Variants in SHMT1 observed in about 807,000 individuals in gnomAD.
SHMT1 encodes the protein serine hydroxymethyltransferase 1.
SHMT1 carries 45 observed loss-of-function variants against 49.0 expected under a neutral mutation model. The ratio of observed to expected loss-of-function variants is 0.92; its 90% CI spans 0.72 to 1.18. The LOEUF (loss-of-function observed/expected upper bound fraction) is 1.18, where lower values mean the gene tolerates loss of function less well. Ranked by LOEUF, SHMT1 falls within the 50% of genes most tolerant of loss-of-function variation. The pLI is 0.00. For missense variants in SHMT1, 541 were observed against 612.4 expected, an observed-to-expected ratio of 0.88 and a Z score of 1.23; for synonymous variants, 232 against 246.6, an observed-to-expected ratio of 0.94 and a Z score of 0.55.
chr17:18,340,917 T>A lies in SHMT1; in HGVS notation c.520-104A>T. ...CCACCCACCATGACAAGAGGAATGA[T>A]GTCCTAGATGAGGACTTGAGGGTGA... On this transcript the variant is annotated intron_variant, in intron 5 of 11. Coordinates refer to ENST00000316694, the MANE Select transcript of SHMT1 (RefSeq NM_004169.5). The surrounding 1 kb of genome is among the most constrained non-coding windows in gnomAD (Gnocchi z 4.5). The A allele has an allele frequency of 1.2e-6, 1 of 817,554 alleles. No homozygotes were observed. The highest frequency in any genetic ancestry group is 2.7e-5 in the East Asian group (1 of 37,644). 50.6% of individuals were successfully genotyped at this position (817,554 alleles called of 1,614,324 possible).
chr17:18,336,969 C>G (rs1007689666), intron 7 of SHMT1, among the ~76,000 whole-genome samples: 5 of 152,028 alleles, frequency 3.3e-5, no homozygotes, highest in African/African-American at 1.2e-4. Context: ...TAAAGAGTCT[C>G]CAAGATGCAT....
intron 1 of SHMT1, among the ~76,000 whole-genome samples, chr17:18,362,716 A>G (rs1019111041): frequency 1.1e-4 from 16 of 152,204 alleles, no homozygotes; most frequent in Non-Finnish European, 7.4e-5. Flanking sequence ...TGCTGACCTC[A>G]GCTGGACCAA....
chr17:18,337,343 G>A (rs1983900350), intron 7 of SHMT1, among the ~76,000 whole-genome samples: 1 of 152,096 alleles, frequency 6.6e-6, no homozygotes, highest in Non-Finnish European at 1.5e-5. Context: ...CACACAGTGG[G>A]GGAAAAAACC....
At chr17:18,361,135 A>G (rs681998) in intron 1 of SHMT1, among the ~76,000 whole-genome samples, 58,783 of 151,414 alleles carry the variant, frequency 0.39, 11,596 homozygotes, top group African/African-American at 0.42. Context: ...GTAAAACTCC[A>G]TCTCTACTAA....
intron 7 of SHMT1, among the ~76,000 whole-genome samples, chr17:18,337,351 A>T (rs892743533): frequency 2.0e-5 from 3 of 152,048 alleles, no homozygotes; most frequent in African/African-American, 7.2e-5. Context: ...GGGGGAAAAA[A>T]CCAAATGTCT....
intron 10 of SHMT1, among the ~76,000 whole-genome samples, 159 bp from the exon 11 acceptor site, chr17:18,329,547 G>C (rs767832364): frequency 2.0e-5 from 3 of 152,166 alleles, no homozygotes; most frequent in Non-Finnish European, 2.9e-5. Flanking sequence ...TAGAACCCAA[G>C]GCACAAGGAG....
At chr17:18,338,917 G>A (rs200049431) in intron 7 of SHMT1, among the ~76,000 whole-genome samples, 6 of 152,004 alleles carry the variant, frequency 3.9e-5, no homozygotes, top group South Asian at 2.1e-4. Flanking sequence ...GCGGAAAGCC[G>A]CAGGGTCCTC....
At chr17:18,331,506 G>A (rs144790163) in intron 9 of SHMT1, 33 of 152,990 alleles carry the variant, frequency 2.2e-4, no homozygotes, top group African/African-American at 6.5e-4. Flanking sequence ...CATAGCACCA[G>A]GCACCAAAGA....
Position 18,340,037 on chromosome 17 carries a change from G to T in SHMT1, c.814+6C>A. On this transcript the variant is annotated splice_donor_region_variant and intron_variant, in intron 7 of 11. Coordinates refer to ENST00000316694, the MANE Select transcript of SHMT1 (RefSeq NM_004169.5). The surrounding 1 kb of genome is among the most constrained non-coding windows in gnomAD (Gnocchi z 4.5). The stretch of plus-strand genomic sequence containing the variant: ...ACCCATCTGTACCCAACATTCGGGA[G>T]CTCACCTTTCCTGTAGAAGATCATG... 1 of 1,612,626 alleles carries T rather than the reference G, an allele frequency of 6.2e-7. No homozygotes were observed.
At chr17:18,359,617 A>T (rs2151610616) in intron 1 of SHMT1, among the ~76,000 whole-genome samples, 1 of 150,654 alleles carries the variant, frequency 6.6e-6, no homozygotes, top group South Asian at 2.1e-4. Flanking sequence ...GTGCCACTGC[A>T]CTCCAGTCTG....
In SHMT1 at chr17:18,328,605, T is replaced by C; in HGVS notation, c.*145A>G. On this transcript the variant is annotated 3_prime_UTR_variant, in exon 12 of 12. Transcript: ENST00000316694. ...CAAATTTTGATTTGTGAAGAAAACA[T>C]GAAAAAAGTCCAAAAGAAACCCCCT... 1 of 800,070 alleles carries C rather than the reference T, an allele frequency of 1.2e-6. No homozygotes were observed. The highest frequency in any genetic ancestry group is 2.7e-5 in the East Asian group (1 of 37,140). The allele number at this position is 800,070 out of a possible 1,614,324, so 49.6% of individuals were successfully genotyped here.
At position 18,328,722 on chromosome 17, in the gene SHMT1, C is replaced by A. The variant is rs528788189; in HGVS notation, c.*28G>T. 6.4e-7 allele frequency: 1 copy of A among 1,550,644 alleles called. No individual in the cohort carries two copies. The highest frequency in any genetic ancestry group is 8.7e-7 in the Non-Finnish European group (1 of 1,147,858). ...CGGCAGGCAGCTTCCTCTGTGGCGC[C>A]AGGTGGGTCCAGAGTGGGCCCGCTC... On this transcript the variant is annotated 3_prime_UTR_variant, in exon 12 of 12. Coordinates refer to ENST00000316694, the MANE Select transcript of SHMT1 (RefSeq NM_004169.5).
chr17:18,347,679 G>C, intron 4 of SHMT1, 23 bp from the exon 5 acceptor site: 1 of 1,613,964 alleles, frequency 6.2e-7, no homozygotes. Flanking sequence ...GACCAGAGGA[G>C]ACATGATTAT....
At chr17:18,356,271 T>G (rs1986231264) in intron 1 of SHMT1, among the ~76,000 whole-genome samples, 1 of 152,088 alleles carries the variant, frequency 6.6e-6, no homozygotes, top group Non-Finnish European at 1.5e-5. Context: ...CTCAATCTCC[T>G]GACCTTGTCA....
chr17:18,332,823 G>GTC, intron 9 of SHMT1: 1 of 383,914 alleles, frequency 2.6e-6, no homozygotes, highest in South Asian at 2.0e-5. Context: ...TCACCACACA[G>GTC]TCCTGGTGCC....
chr17:18,358,969 G>C (rs1458952540), intron 1 of SHMT1, among the ~76,000 whole-genome samples: 1 of 151,562 alleles, frequency 6.6e-6, no homozygotes, highest in Non-Finnish European at 1.5e-5. Flanking sequence ...AAGAATTACA[G>C]GTTGGGCTGG....
At position 18,333,233 on chromosome 17, in the gene SHMT1, G is replaced by A. The variant is rs776669993; in HGVS notation, c.987C>T (p.His329=). 6.2e-7 allele frequency: 1 copy of A among 1,613,756 alleles called. No individual in the cohort carries two copies. The highest frequency in any genetic ancestry group is 8.5e-7 in the Non-Finnish European group (1 of 1,179,916). ...AMTLEFKVYQ[H]QVVANCRALS... ...GAGCCCTGCAGTTGGCCACCACCTG[G>A]TGTTGATAAACTTTAAATTCCAGAG... Residue 329 remains histidine (H), a synonymous_variant, in exon 9 of 12, where the codon CAC becomes CAT. Coordinates refer to ENST00000316694, the MANE Select transcript of SHMT1 (RefSeq NM_004169.5).
intron 8 of SHMT1, among the ~76,000 whole-genome samples, chr17:18,333,753 A>G (rs1983496319): frequency 6.6e-6 from 1 of 151,724 alleles, no homozygotes; most frequent in Non-Finnish European, 1.5e-5. Flanking sequence ...TACAGGCATG[A>G]GCACCATGCC....
rs947573061 is a variant in SHMT1 at position 18,353,761 on chromosome 17, A to C, written c.153T>G (p.Ile51Met). 2 of 1,614,114 alleles carry C rather than the reference A, an allele frequency of 1.2e-6. No individual in the cohort carries two copies. Among genetic ancestry groups the C allele is most frequent in the Non-Finnish European group, 1.7e-6 (2 of 1,179,980 alleles). ...SNRQRVGLEL[I>M]ASENFASRAV... ...CTCGGCTGGCGAAATTCTCCGAGGC[A>C]ATCAGCTCCAATCCAACCCTCTGCC... Residue 51 changes from isoleucine to methionine, a missense_variant, in exon 3 of 12, where the codon ATT becomes ATG. Coordinates refer to ENST00000316694, the MANE Select transcript of SHMT1 (RefSeq NM_004169.5).
Sources: gnomAD v4.1 joint callset for allele counts (sites outside exome capture counted in the v4.1 genomes callset) on GRCh38, gnomAD v4.1.1 for gene constraint, Gnocchi (gnomAD v3.1) non-coding constraint, MANE v1.5 for transcripts, NCBI Gene and HGNC (gene_info 2026-07-23, HGNC 2026-07-21) for gene names.